Variants in CTNNA2 observed in about 807,000 individuals in gnomAD.
CTNNA2 encodes catenin alpha-2.
A neutral mutation model predicts 101.0 loss-of-function variants in CTNNA2; 42 were observed. The ratio of observed to expected loss-of-function variants is 0.42; its 90% CI spans 0.32 to 0.54. The LOEUF (loss-of-function observed/expected upper bound fraction) is 0.54. Among genes scored for constraint, CTNNA2 ranks in the 20% least tolerant of loss-of-function variants. CTNNA2 has a pLI of 0.14. For synonymous variants in CTNNA2, 450 were observed against 456.4 expected (o/e 0.99, Z 0.18); for missense variants, 871 against 1,223.1 (o/e 0.71, Z 4.29).
At chr2:80,166,398 T>C (rs554532869) in intron 7 of CTNNA2, among the ~76,000 whole-genome samples, 1 of 152,272 alleles carries the variant, frequency 6.6e-6, no homozygotes, top group South Asian at 2.1e-4. Flanking sequence ...GCCTAGGCAG[T>C]GAAGCTTCCA....
chr2:79,314,039 T>C (rs927397849), intron 3 of CTNNA2, among the ~76,000 whole-genome samples: 1 of 152,122 alleles, frequency 6.6e-6, no homozygotes, highest in Non-Finnish European at 1.5e-5. Flanking sequence ...CATCCTTCTG[T>C]GCTGTTAGTC....
At chr2:80,211,790 T>A (rs1209008084) in intron 7 of CTNNA2, among the ~76,000 whole-genome samples, 1 of 152,186 alleles carries the variant, frequency 6.6e-6, no homozygotes, top group Non-Finnish European at 1.5e-5. Flanking sequence ...TGGCATTGAA[T>A]CTATAAATTA....
At chr2:80,236,420 T>G (rs992690035) in intron 7 of CTNNA2, among the ~76,000 whole-genome samples, 24 of 152,204 alleles carry the variant, frequency 1.6e-4, no homozygotes, top group African/African-American at 5.3e-4. Context: ...GTCAAATCAG[T>G]GCAGTGCAGT....
At chr2:79,829,693 CTTATTTAT>C (rs144686881) in intron 3 of CTNNA2, among the ~76,000 whole-genome samples, 62,901 of 144,304 alleles carry the variant, frequency 0.44, 15,382 homozygotes, top group Non-Finnish European at 0.54. Flanking sequence ...CTTTTTCTTT[CTTATTTAT>C]TTATTTATTT....
At position 79,594,020 on chromosome 2, in the gene CTNNA2, C is replaced by T. The variant is rs1345907857; in HGVS notation, c.-5-57532C>T. ...TCCTACACCTCAGCCTCCCAACTAG[C>T]TGGGATTATAGGCGACCACCACCAT... is the stretch of plus-strand genomic sequence containing the variant. On this transcript the variant is annotated intron_variant, in intron 1 of 18. Transcript: ENST00000402739. Among the ~76,000 whole-genome samples the T allele has an allele frequency of 2.0e-5, 3 of 149,832 alleles. No homozygotes were observed. The East Asian group carries it at 6.0e-4, about 30-fold the overall frequency.
intron 7 of CTNNA2, among the ~76,000 whole-genome samples, chr2:80,214,851 G>A (rs990201028): frequency 1.3e-5 from 2 of 152,188 alleles, no homozygotes; most frequent in Non-Finnish European, 2.9e-5. Flanking sequence ...CCTGCAGAGT[G>A]TTTTCCAACT....
At chr2:79,450,534 C>T (rs540294362) in intron 4 of CTNNA2, among the ~76,000 whole-genome samples, 1 of 152,100 alleles carries the variant, frequency 6.6e-6, no homozygotes, top group Middle Eastern at 3.4e-3. Flanking sequence ...AGATAGAACT[C>T]ATTTTACTAG....
At chr2:80,480,395 G>T (rs1056790068) in intron 9 of CTNNA2, among the ~76,000 whole-genome samples, 3 of 152,032 alleles carry the variant, frequency 2.0e-5, no homozygotes, top group Non-Finnish European at 4.4e-5. Flanking sequence ...TTAAAAATTA[G>T]ATTTAACAGA....
At chr2:80,347,269 A>G (rs575066907) in intron 7 of CTNNA2, among the ~76,000 whole-genome samples, 2 of 152,198 alleles carry the variant, frequency 1.3e-5, no homozygotes, top group South Asian at 4.1e-4. Context: ...CTCCATGTGA[A>G]CACTTGGTCA....
chr2:80,329,954 A>G lies in CTNNA2; in HGVS notation c.1057-63257A>G, dbSNP rs562871789. Among the ~76,000 whole-genome samples the G allele has an allele frequency of 9.2e-5, 14 of 152,358 alleles. No homozygotes were observed. In the East Asian group the frequency reaches 2.7e-3, roughly 29 times the overall value. On this transcript the variant is annotated intron_variant, in intron 7 of 18. Coordinates refer to ENST00000402739, the MANE Select transcript of CTNNA2 (RefSeq NM_001282597.3). ...ACCTCCCACCTGTTATAACTGGCTT[A>G]TGGCTCTTCCGAAGTACCCACTGGC... is the stretch of plus-strand genomic sequence containing the variant.
chr2:80,220,421 T>G (rs1164380516), intron 7 of CTNNA2, among the ~76,000 whole-genome samples: 1 of 152,216 alleles, frequency 6.6e-6, no homozygotes, highest in Non-Finnish European at 1.5e-5. Context: ...TGCCTAGTTT[T>G]TGCATTTTTT....
rs116800364 is a variant in CTNNA2 at position 80,300,175 on chromosome 2, G to A, written c.1057-93036G>A. ...GCACCTCTCTTCTAGAACACTAATA[G>A]TCTGAATGGGTGTCATGTGCATGAT... On this transcript the variant is annotated intron_variant, in intron 7 of 18. Transcript: ENST00000402739. 5.3e-3 allele frequency among the ~76,000 whole-genome samples: 813 copies of A among 152,028 alleles called. 8 individuals are homozygous for A. Among genetic ancestry groups the A allele is most frequent in the African/African-American group, 0.019 (771 of 41,458 alleles).
chr2:80,207,810 G>A (rs886523230), intron 7 of CTNNA2, among the ~76,000 whole-genome samples: 2 of 152,158 alleles, frequency 1.3e-5, no homozygotes, highest in African/African-American at 4.8e-5. Context: ...ATTGCCCAAG[G>A]AGAGAAAGGA....
At chr2:80,048,463 C>A (rs2104317627) in intron 7 of CTNNA2, among the ~76,000 whole-genome samples, 1 of 152,146 alleles carries the variant, frequency 6.6e-6, no homozygotes. Flanking sequence ...GTGATTTTTG[C>A]TTATTTCCTA....
chr2:80,162,788 T>C, intron 7 of CTNNA2: 6 of 1,588,942 alleles, frequency 3.8e-6, no homozygotes, highest in Non-Finnish European at 5.2e-6. Flanking sequence ...CATATGACAT[T>C]TGTCTCAAAG....
intron 8 of CTNNA2, among the ~76,000 whole-genome samples, chr2:80,407,246 C>CCACA (rs1165274904): frequency 5.3e-5 from 8 of 152,172 alleles, no homozygotes; most frequent in African/African-American, 1.9e-4. Context: ...CTCTTAGAGG[C>CCACA]CACAGTTAGC....
chr2:79,700,188 T>C (rs960532205), intron 2 of CTNNA2, among the ~76,000 whole-genome samples: 7 of 152,142 alleles, frequency 4.6e-5, no homozygotes, highest in Non-Finnish European at 8.8e-5. Context: ...TAGCTGGTTA[T>C]GAATATAACA....
intron 7 of CTNNA2, among the ~76,000 whole-genome samples, chr2:80,293,352 T>C (rs1421766573): frequency 6.6e-6 from 1 of 152,212 alleles, no homozygotes; most frequent in Non-Finnish European, 1.5e-5. Flanking sequence ...CTGCTACACA[T>C]AGTTTGCAAT....
In CTNNA2 at chr2:80,560,954, T is replaced by TC. The variant is rs58596086; in HGVS notation, c.1741+5062dup. Among the ~76,000 whole-genome samples the TC allele has an allele frequency of 9.5e-3, 1,441 of 152,208 alleles. 20 individuals are homozygous for TC. The highest frequency in any genetic ancestry group is 0.03 in the African/African-American group (1,227 of 41,482). ...AGAACTTTACACTTTGTCTTTTTTT[T>TC]CTGTAGAAAATATGTCTACCAGCAG... On this transcript the variant is annotated intron_variant, in intron 12 of 18. Transcript: ENST00000402739.
Sources: gnomAD v4.1 joint callset for allele counts (sites outside exome capture counted in the v4.1 genomes callset) on GRCh38, gnomAD v4.1.1 for gene constraint, MANE v1.5 for transcripts, NCBI Gene and HGNC (gene_info 2026-07-23, HGNC 2026-07-21) for gene names.